The following CCNT1 variants were observed in gnomAD, a reference collection of about 807,000 sequenced individuals.
The protein encoded by CCNT1 is cyclin-T1.
Under a neutral mutation model 67.3 loss-of-function variants are expected in CCNT1, and 18 were observed. The ratio of observed to expected loss-of-function variants is 0.27; its 90% CI spans 0.18 to 0.40. The LOEUF is 0.40. Ranked by LOEUF, CCNT1 falls within the 10% of genes least tolerant of loss-of-function variation. CCNT1 has a pLI of 1.00. For missense variants in CCNT1, 744 were observed against 884.9 expected (o/e 0.84, Z 2.02); for synonymous variants, 333 against 310.3 (o/e 1.07, Z -0.77).
intron 2 of CCNT1, among the ~76,000 whole-genome samples, chr12:48,712,602 A>AT (rs1940471414): frequency 6.8e-6 from 1 of 146,030 alleles, no homozygotes; most frequent in African/African-American, 2.5e-5. Context: ...AAATAAAAAA[A>AT]AAAAAAAAAA....
At position 48,692,367 on chromosome 12, in the gene CCNT1, C is replaced by T. The variant is rs888619863; in HGVS notation, c.*666G>A. ...AAAACATTATTTTTAAACACACACA[C>T]TTAAAAACACACATACCCACACTTA... On this transcript the variant is annotated 3_prime_UTR_variant, in exon 9 of 9. Coordinates refer to ENST00000261900, the MANE Select transcript of CCNT1 (RefSeq NM_001240.4). 2 of 152,208 alleles carry T rather than the reference C, an allele frequency of 1.3e-5. No homozygotes were observed. The highest frequency in any genetic ancestry group is 3.9e-4 in the East Asian group (2 of 5,180). The allele number at this position is 152,208 out of a possible 1,614,324, so 9.4% of individuals were successfully genotyped here.
rs552744951 is a variant in CCNT1, at chr12:48,695,307, C to A, written c.777+452G>T. On this transcript the variant is annotated intron_variant, in intron 8 of 8. Transcript: ENST00000261900. ...ATGATTCCATTATTCCTGAATAAGGCTTTGACAAGTATTTGAAATACAACT... is the reference window on the plus strand; with the variant it reads ...ATGATTCCATTATTCCTGAATAAGGATTTGACAAGTATTTGAAATACAACT... 4.6e-5 allele frequency among the ~76,000 whole-genome samples: 7 copies of A among 152,270 alleles called. 1 individual carries two copies. The highest frequency in any genetic ancestry group is 2.1e-4 in the South Asian group (1 of 4,826).
At chr12:48,707,981 T>C (rs376095031) in intron 2 of CCNT1, among the ~76,000 whole-genome samples, 1 of 152,048 alleles carries the variant, frequency 6.6e-6, no homozygotes, top group South Asian at 2.1e-4. Context: ...CTCGGGAGAA[T>C]TGCCTGAACC....
At chr12:48,713,973 C>A (rs12366919) in intron 2 of CCNT1, among the ~76,000 whole-genome samples, 33,808 of 152,090 alleles carry the variant, frequency 0.22, 4,773 homozygotes, top group Non-Finnish European at 0.33. Flanking sequence ...TGGCTCACTG[C>A]ATCCTCAACT....
intron 3 of CCNT1, among the ~76,000 whole-genome samples, chr12:48,703,078 G>T (rs1044406336): frequency 1.3e-5 from 2 of 151,422 alleles, no homozygotes; most frequent in Non-Finnish European, 2.9e-5. Flanking sequence ...ATCTGTCACT[G>T]TCTCCCATCA....
At position 48,693,099 on chromosome 12, in the gene CCNT1, T is replaced by G; in HGVS notation, c.2115A>C (p.Thr705=). 6.2e-7 allele frequency: 1 copy of G among 1,614,124 alleles called. No individual in the cohort carries two copies. Among genetic ancestry groups the G allele is most frequent in the Non-Finnish European group, 8.5e-7 (1 of 1,180,006 alleles). The change falls in exon 9 of 9, where the codon ACA becomes ACC. Residue 705 remains threonine (T), a synonymous_variant. Transcript: ENST00000261900. ...SGGISSRSGN[T]DKPRPPPLPS... is the part of the protein sequence containing the mutation. ...GCAGAGGTGGTGGCCGGGGTTTGTC[T>G]GTATTGCCAGATCTCGAGGAGATTC...
chr12:48,707,942 G>A (rs971629157), intron 2 of CCNT1, among the ~76,000 whole-genome samples: 1 of 151,770 alleles, frequency 6.6e-6, no homozygotes, highest in African/African-American at 2.4e-5. Flanking sequence ...CCACCACTCA[G>A]GAGTCTTGTA....
At chr12:48,713,899 T>G (rs1253672434) in intron 2 of CCNT1, among the ~76,000 whole-genome samples, 2 of 151,864 alleles carry the variant, frequency 1.3e-5, no homozygotes, top group Non-Finnish European at 2.9e-5. Flanking sequence ...ATCTGTTTTT[T>G]GGGGTTTTTT....
Position 48,701,018 on chromosome 12 carries a change from G to T in CCNT1, c.428C>A (p.Thr143Asn). 1.3e-6 allele frequency: 2 copies of T among 1,556,798 alleles called. No homozygotes were observed. Among genetic ancestry groups the T allele is most frequent in the Non-Finnish European group, 1.8e-6 (2 of 1,141,358 alleles). ...TCAAAGGAAAATAAACTTACCTAAA[G>T]TCTGCAAAATTATGCTTTCTAAAAT... The part of the protein sequence containing the change: ...LVILESIILQ[T>N]LGFELTIDHP... The change falls in exon 4 of 9, where the codon ACT (threonine) becomes AAT (asparagine). Residue 143 changes from threonine (T) to asparagine (N), a missense_variant. Coordinates refer to ENST00000261900, the MANE Select transcript of CCNT1 (RefSeq NM_001240.4).
Position 48,694,467 on chromosome 12 carries a change from T to C in CCNT1, c.778-31A>G, listed in dbSNP as rs1168604888. On this transcript the variant is annotated intron_variant, in intron 8 of 8. Coordinates refer to ENST00000261900, the MANE Select transcript of CCNT1 (RefSeq NM_001240.4). ...ATGAAGCAAATAGCATCTCTTTACT[T>C]AGGTAATTTACTAAATAAAAAAACA... 9 of 1,573,746 alleles carry C rather than the reference T, an allele frequency of 5.7e-6. No homozygotes were observed. In the Admixed American group the frequency reaches 1.4e-4, roughly 25 times the overall value.
rs1340811067 is a variant in CCNT1 at position 48,689,404 on chromosome 12, T to C, written c.*3629A>G. ...GACAAAATAAAACTTGACAGTGTGA[T>C]ACAACATGAAAATCTCCTAAACCAT... On this transcript the variant is annotated 3_prime_UTR_variant, in exon 9 of 9. Coordinates refer to ENST00000261900, the MANE Select transcript of CCNT1 (RefSeq NM_001240.4). The C allele has an allele frequency of 6.6e-6, 1 of 152,170 alleles. No homozygotes were observed. Among genetic ancestry groups the C allele is most frequent in the African/African-American group, 2.4e-5 (1 of 41,442 alleles). The allele number at this position is 152,170 out of a possible 1,614,324, so 9.4% of individuals were successfully genotyped here. A position where few individuals can be genotyped will look rare whatever the true frequency, so the allele number is the denominator to read the frequency against.
intron 2 of CCNT1, among the ~76,000 whole-genome samples, chr12:48,706,377 G>A (rs1227375702): frequency 1.3e-5 from 2 of 152,192 alleles, no homozygotes; most frequent in Non-Finnish European, 2.9e-5. Context: ...GCTGATGGTT[G>A]CACAATTTTG....
intron 5 of CCNT1, among the ~76,000 whole-genome samples, 197 bp downstream of exon 5, chr12:48,699,581 T>C (rs1940232134): frequency 6.6e-6 from 1 of 152,222 alleles, no homozygotes; most frequent in Non-Finnish European, 1.5e-5. Context: ...TAGTTCTCTT[T>C]AACTAGAGAT....
chr12:48,704,800 T>G (rs1230198953), intron 3 of CCNT1, among the ~76,000 whole-genome samples: 1 of 151,810 alleles, frequency 6.6e-6, no homozygotes, highest in East Asian at 1.9e-4. Flanking sequence ...AAGAGCAAGA[T>G]TCCGTCTCAA....
At chr12:48,697,175 T>A (rs1379028268) in intron 6 of CCNT1, among the ~76,000 whole-genome samples, 1 of 151,940 alleles carries the variant, frequency 6.6e-6, no homozygotes, top group East Asian at 1.9e-4. Flanking sequence ...ACTCTTAACA[T>A]CCATAAGTGC....
At chr12:48,703,288 AGCT>A (rs1940301957) in intron 3 of CCNT1, among the ~76,000 whole-genome samples, 1 of 151,844 alleles carries the variant, frequency 6.6e-6, no homozygotes, top group Non-Finnish European at 1.5e-5. Context: ...AAAAAAACAA[AGCT>A]GGCTGGACAT....
chr12:48,698,288 T>A, intron 5 of CCNT1, 105 bp from the exon 6 acceptor site: 1 of 764,166 alleles, frequency 1.3e-6, no homozygotes, highest in Non-Finnish European at 2.1e-6. Flanking sequence ...CAAGGTACTG[T>A]GAATATAGTG....
chr12:48,712,595 T>TAAAAAAA (rs759919820), intron 2 of CCNT1, among the ~76,000 whole-genome samples: 4 of 33,376 alleles, frequency 1.2e-4, no homozygotes, highest in Non-Finnish European at 1.4e-4. Flanking sequence ...AAAAAAAAAA[T>TAAAAAAA]AAAAAAAAAA....
In CCNT1 at chr12:48,694,347, CTGGGAAATCATA is replaced by C; in HGVS notation, c.855_866del (p.Asn285_Gln289delinsLys). ...CTGCAATGGTTGTGTCTGAAGAGCT[CTGGGAAATCATA>C]TTGAGGATTGTCTGCTCTGAAGTCT... On this transcript the variant is annotated inframe_deletion, in exon 9 of 9. Coordinates refer to ENST00000261900, the MANE Select transcript of CCNT1 (RefSeq NM_001240.4). 6.2e-7 allele frequency: 1 copy of C among 1,614,182 alleles called. No individual in the cohort carries two copies. The highest frequency in any genetic ancestry group is 8.5e-7 in the Non-Finnish European group (1 of 1,180,030).
Sources: gnomAD v4.1 joint callset for allele counts (sites outside exome capture counted in the v4.1 genomes callset) on GRCh38, gnomAD v4.1.1 for gene constraint, MANE v1.5 for transcripts, NCBI Gene and HGNC (gene_info 2026-07-23, HGNC 2026-07-21) for gene names.